The following PRKD1 variants were observed in gnomAD, a reference collection of about 807,000 sequenced individuals.
PRKD1 encodes the protein protein kinase D1.
PRKD1 carries 63 observed loss-of-function variants against 95.9 expected under a neutral mutation model. The observed-to-expected ratio is 0.66, with a 90% CI of 0.54 to 0.81. The LOEUF (loss-of-function observed/expected upper bound fraction) is 0.81, where lower values mean the gene tolerates loss of function less well. Ranked by LOEUF, PRKD1 falls within the 30% of genes least tolerant of loss-of-function variation. The pLI, the probability that PRKD1 is intolerant of heterozygous loss-of-function variation, is 0.00. For missense variants in PRKD1, 1,048 were observed against 1,165.3 expected, an observed-to-expected ratio of 0.90 and a Z score of 1.47; for synonymous variants, 425 against 423.1, an observed-to-expected ratio of 1.00 and a Z score of -0.05.
At chr14:29,704,369 A>G (rs187045488) in intron 2 of PRKD1, among the ~76,000 whole-genome samples, 255 of 152,288 alleles carry the variant, frequency 1.7e-3, no homozygotes, top group Admixed American at 4.1e-3. Flanking sequence ...GGCTATGTGG[A>G]TAACAGCATT....
In PRKD1 at chr14:29,636,307, G is replaced by A. The variant is rs543331086; in HGVS notation, c.1173C>T (p.Asp391=). 26 of 1,614,208 alleles carry A rather than the reference G, an allele frequency of 1.6e-5. No homozygotes were observed. The highest frequency in any genetic ancestry group is 7.7e-5 in the South Asian group (7 of 91,090). Residue 391 remains aspartate (D), a synonymous_variant, in exon 7 of 18, where the codon GAC becomes GAT. Coordinates refer to ENST00000331968, the MANE Select transcript of PRKD1 (RefSeq NM_002742.3). ...GCTCTCACCTGATGGTTCTGTTGGCGTCCTCGTGGTCTGGGTCTGGATCTT... is the reference window on the plus strand; with the variant it reads ...GCTCTCACCTGATGGTTCTGTTGGCATCCTCGTGGTCTGGGTCTGGATCTT... ...EMQDPDPDHE[D]ANRTISPSTS...
chr14:29,675,411 C>T (rs1007776888), intron 2 of PRKD1, among the ~76,000 whole-genome samples: 2 of 152,206 alleles, frequency 1.3e-5, no homozygotes, highest in East Asian at 1.9e-4. Context: ...GCTTCCCCAT[C>T]CCCATTCTTC....
At chr14:29,792,518 T>C (rs1889594324) in intron 1 of PRKD1, among the ~76,000 whole-genome samples, 1 of 152,116 alleles carries the variant, frequency 6.6e-6, no homozygotes, top group South Asian at 2.1e-4. Context: ...CTATTTAAAG[T>C]TTCGAAGACC....
chr14:29,886,335 T>C (rs948493765), intron 1 of PRKD1, among the ~76,000 whole-genome samples: 5 of 152,190 alleles, frequency 3.3e-5, no homozygotes, highest in Admixed American at 1.3e-4. Context: ...GCTGCCAAAA[T>C]GGGAAAGATG....
chr14:29,823,001 G>A (rs1343542444), intron 1 of PRKD1, among the ~76,000 whole-genome samples: 1 of 152,160 alleles, frequency 6.6e-6, no homozygotes, highest in Non-Finnish European at 1.5e-5. Context: ...AAACAATGCA[G>A]CCAGGTTTAA....
intron 1 of PRKD1, among the ~76,000 whole-genome samples, chr14:29,865,338 A>G (rs187526097): frequency 6.6e-6 from 1 of 152,328 alleles, no homozygotes; most frequent in East Asian, 1.9e-4. Context: ...GGAAATCAAA[A>G]TGGTTACAGT....
intron 1 of PRKD1, among the ~76,000 whole-genome samples, chr14:29,803,445 T>G (rs767693169): frequency 6.6e-6 from 1 of 152,208 alleles, no homozygotes; most frequent in Admixed American, 6.5e-5. Flanking sequence ...CTAGTTAATA[T>G]CAAAATTGTA....
chr14:29,864,846 T>TTCTGTGAA (rs1892832369), intron 1 of PRKD1, among the ~76,000 whole-genome samples: 1 of 152,170 alleles, frequency 6.6e-6, no homozygotes, highest in Non-Finnish European at 1.5e-5. Flanking sequence ...CCAGGTTTAT[T>TTCTGTGAA]TCTGTGAATT....
At chr14:29,855,962 G>T (rs936573698) in intron 1 of PRKD1, among the ~76,000 whole-genome samples, 6 of 152,072 alleles carry the variant, frequency 3.9e-5, no homozygotes, top group Non-Finnish European at 7.4e-5. Flanking sequence ...TTTGTAAATT[G>T]CCCAGTCCTG....
rs756900091 is a variant in PRKD1, at chr14:29,599,115, G to T, written c.2078C>A (p.Ala693Asp). The change falls in exon 15 of 18, where the codon GCT (alanine) becomes GAT (aspartate). Residue 693 changes from alanine (A) to aspartate (D), a missense_variant. By Grantham distance (126) the Ala-to-Asp change is moderately radical. This residue lies in a region of PRKD1 where 739 missense variants were observed against 861.9 expected (regional missense o/e 0.86). Coordinates refer to ENST00000331968, the MANE Select transcript of PRKD1 (RefSeq NM_002742.3). ...ATTTTTAAAATGAAGGTGCCGCAAA[G>T]CCACGAGTATCTGTAAAGAAGAATC... ...TKFLITQILVALRHLHFKNIV... is the reference protein window; with the variant it reads ...TKFLITQILVDLRHLHFKNIV... 6.2e-7 allele frequency: 1 copy of T among 1,612,844 alleles called. No individual in the cohort carries two copies.
chr14:29,704,879 TAC>T (rs1885003709), intron 2 of PRKD1, among the ~76,000 whole-genome samples: 1 of 152,140 alleles, frequency 6.6e-6, no homozygotes, highest in African/African-American at 2.4e-5. Context: ...ATATCTCTTT[TAC>T]ACACACAGAC....
intron 4 of PRKD1, among the ~76,000 whole-genome samples, chr14:29,647,452 C>CT (rs1196702097): frequency 6.6e-6 from 1 of 152,068 alleles, no homozygotes; most frequent in African/African-American, 2.4e-5. Flanking sequence ...CATTTTGGGA[C>CT]TTTAAGTGTC....
chr14:29,768,170 T>C (rs1888338637), intron 1 of PRKD1, among the ~76,000 whole-genome samples: 1 of 152,200 alleles, frequency 6.6e-6, no homozygotes, highest in African/African-American at 2.4e-5. Flanking sequence ...TGGGTTAATT[T>C]CACAACTATA....
intron 1 of PRKD1, among the ~76,000 whole-genome samples, chr14:29,919,986 A>AGAGAGAGAG (rs1566672106): frequency 5.7e-4 from 81 of 142,928 alleles, no homozygotes; most frequent in African/African-American, 2.0e-3. Context: ...GAGAGAGAGA[A>AGAGAGAGAG]AGAGAGGAAG....
At chr14:29,623,149 C>T (rs1879388923) in intron 13 of PRKD1, among the ~76,000 whole-genome samples, 1 of 152,126 alleles carries the variant, frequency 6.6e-6, no homozygotes, top group Non-Finnish European at 1.5e-5. Flanking sequence ...AAGCAGAGAG[C>T]ATTGTGAGTC....
chr14:29,707,352 A>C (rs770641700), intron 2 of PRKD1, among the ~76,000 whole-genome samples: 1 of 152,182 alleles, frequency 6.6e-6, no homozygotes, highest in Non-Finnish European at 1.5e-5. Flanking sequence ...ACTAGCAGAT[A>C]GTAAGGGATG....
Position 29,666,100 on chromosome 14 carries a change from A to G in PRKD1, c.512T>C (p.Val171Ala). The G allele has an allele frequency of 6.3e-7, 1 of 1,596,352 alleles. No homozygotes were observed. Among genetic ancestry groups the G allele is most frequent in the Non-Finnish European group, 8.6e-7 (1 of 1,167,962 alleles). The change falls in exon 3 of 18, where the codon GTA becomes GCA. Residue 171 changes from valine (V) to alanine (A), a missense_variant. Coordinates refer to ENST00000331968, the MANE Select transcript of PRKD1 (RefSeq NM_002742.3). ...ACCTTCACATTTAAGACCTTGACGT[A>G]CCAGCCCCCACAGCATTTCTCCACA... Reference protein sequence around the residue: ...DHCGEMLWGLVRQGLKCEGCG... With the variant: ...DHCGEMLWGLARQGLKCEGCG...
intron 2 of PRKD1, among the ~76,000 whole-genome samples, chr14:29,683,465 G>A (rs1020603863): frequency 6.6e-6 from 1 of 152,150 alleles, no homozygotes; most frequent in African/African-American, 2.4e-5. Flanking sequence ...GGCTAAAAAT[G>A]TAATTCAGGA....
chr14:29,624,158 A>G lies in PRKD1; in HGVS notation c.1899T>C (p.Ile633=). Reference sequence around the variant, plus strand: ...ATGAGAACCAAAGAAGTACCTGTAGAATTGCAACCTCATTACGAAGCTGGC... The same window carrying G: ...ATGAGAACCAAAGAAGTACCTGTAGGATTGCAACCTCATTACGAAGCTGGC... ...QESQLRNEVA[I]LQNLHHPGVV... The change falls in exon 13 of 18, where the codon ATT becomes ATC. Residue 633 remains isoleucine, a synonymous_variant. Transcript: ENST00000331968. 6.3e-7 allele frequency: 1 copy of G among 1,594,736 alleles called. No homozygotes were observed. Among genetic ancestry groups the G allele is most frequent in the South Asian group, 1.1e-5 (1 of 87,930 alleles).
Sources: gnomAD v4.1 joint callset for allele counts (sites outside exome capture counted in the v4.1 genomes callset) on GRCh38, gnomAD v4.1.1 for gene constraint, gnomAD v4.1.1 regional missense constraint, MANE v1.5 for transcripts, NCBI Gene and HGNC (gene_info 2026-07-23, HGNC 2026-07-21) for gene names.